CHN2: variants seen among roughly 807,000 people sequenced by gnomAD.
CHN2 encodes chimerin 2, also known as beta-chimaerin.
Under a neutral mutation model 56.3 loss-of-function variants are expected in CHN2, and 35 were observed. That is an observed-to-expected ratio of 0.62 (90% CI 0.47 to 0.82). The LOEUF is 0.82. CHN2 is among the 40% of genes least tolerant of loss of function. The probability of loss-of-function intolerance (pLI) is 0.00; values close to 1 mark genes in which losing one functional copy is unlikely to be tolerated. For synonymous variants in CHN2, 210 were observed against 212.8 expected, an observed-to-expected ratio of 0.99 and a Z score of 0.12; for missense variants, 491 against 580.5, an observed-to-expected ratio of 0.85 and a Z score of 1.58.
intron 1 of CHN2, among the ~76,000 whole-genome samples, chr7:29,203,165 G>T (rs962949162): frequency 1.3e-5 from 2 of 152,158 alleles, no homozygotes; most frequent in African/African-American, 4.8e-5. Context: ...ATATGTTTAG[G>T]TGATAATATT....
chr7:29,512,482 T>C, intron 12 of CHN2, 82 bp from the exon 13 acceptor site: 1 of 1,204,534 alleles, frequency 8.3e-7, no homozygotes, highest in Non-Finnish European at 1.2e-6. Context: ...AGAGATGTTA[T>C]CGGGACTTAC....
intron 1 of CHN2, among the ~76,000 whole-genome samples, chr7:29,197,470 G>A (rs569660544): frequency 5.3e-5 from 8 of 152,174 alleles, no homozygotes; most frequent in Non-Finnish European, 2.9e-5. Context: ...CTTGGGGATT[G>A]AATGAAATAA....
intron 1 of CHN2, among the ~76,000 whole-genome samples, chr7:29,250,197 T>C (rs190423831): frequency 1.3e-5 from 2 of 152,368 alleles, no homozygotes; most frequent in Admixed American, 1.3e-4. Context: ...ATTAGCCATT[T>C]GTAGCTTTTA....
intron 6 of CHN2, among the ~76,000 whole-genome samples, chr7:29,409,508 G>A (rs897086483): frequency 2.6e-5 from 4 of 152,104 alleles, no homozygotes; most frequent in Non-Finnish European, 5.9e-5. Flanking sequence ...CTTAAAAGAA[G>A]ACAGCTGGCT....
chr7:29,271,749 A>G (rs1790663789), intron 1 of CHN2, among the ~76,000 whole-genome samples: 2 of 152,174 alleles, frequency 1.3e-5, no homozygotes, highest in Admixed American at 6.5e-5. Context: ...GCCTTTTCTC[A>G]TCAAACATTC....
chr7:29,449,129 C>T (rs891878774), intron 6 of CHN2, among the ~76,000 whole-genome samples: 2 of 152,100 alleles, frequency 1.3e-5, no homozygotes, highest in African/African-American at 4.8e-5. Context: ...GCAAGTTAAA[C>T]TTAGCAGAAT....
intron 2 of CHN2, among the ~76,000 whole-genome samples, chr7:29,161,826 A>G (rs888411169): frequency 1.3e-5 from 2 of 152,262 alleles, no homozygotes; most frequent in Non-Finnish European, 2.9e-5. Flanking sequence ...TCTAAAGTCA[A>G]CAGTGAGAAA....
intron 1 of CHN2, among the ~76,000 whole-genome samples, chr7:29,229,406 G>T (rs1315527531): frequency 6.6e-6 from 1 of 151,362 alleles, no homozygotes; most frequent in Non-Finnish European, 1.5e-5. Context: ...TTGCTAAAAA[G>T]GAAAAAAAAA....
intron 1 of CHN2, among the ~76,000 whole-genome samples, chr7:29,264,846 TA>T (rs1789994613): frequency 7.2e-6 from 1 of 138,646 alleles, no homozygotes; most frequent in African/African-American, 2.8e-5. Context: ...ATTTAAAAAT[TA>T]AAAAAGTCAA....
intron 1 of CHN2, among the ~76,000 whole-genome samples, chr7:29,271,226 C>A (rs1292360682): frequency 2.0e-5 from 3 of 152,130 alleles, no homozygotes; most frequent in Non-Finnish European, 4.4e-5. Flanking sequence ...TGTGGTAGGT[C>A]CCTGCCTAAC....
chr7:29,377,803 CTTG>C (rs1308457076), intron 3 of CHN2, among the ~76,000 whole-genome samples: 1 of 152,210 alleles, frequency 6.6e-6, no homozygotes, highest in Admixed American at 6.5e-5. Context: ...ATGTCTCTGT[CTTG>C]TTGGACGGAA....
intron 5 of CHN2, among the ~76,000 whole-genome samples, chr7:29,399,918 C>T (rs142967078): frequency 0.036 from 5,488 of 152,116 alleles, 148 homozygotes; most frequent in South Asian, 0.11. Context: ...AAGGTCAGGG[C>T]CCAGAGAGGA....
chr7:29,473,482 T>TTTTTTTTTTTTG (rs539151442), intron 6 of CHN2, among the ~76,000 whole-genome samples: 15 of 118,190 alleles, frequency 1.3e-4, no homozygotes, highest in African/African-American at 4.3e-4. Context: ...TTTTTTTTTT[T>TTTTTTTTTTTTG]TGTGTGTGTG....
chr7:29,399,978 G>A (rs1562576776), intron 5 of CHN2, among the ~76,000 whole-genome samples: 1 of 152,112 alleles, frequency 6.6e-6, no homozygotes, highest in Non-Finnish European at 1.5e-5. Flanking sequence ...CTCCAGCAGG[G>A]AGTTTAGCAC....
chr7:29,467,808 C>G (rs1175031481), intron 6 of CHN2, among the ~76,000 whole-genome samples: 1 of 152,146 alleles, frequency 6.6e-6, no homozygotes, highest in Non-Finnish European at 1.5e-5. Flanking sequence ...ATACCAGTGG[C>G]ATAGGATGGT....
intron 2 of CHN2, among the ~76,000 whole-genome samples, chr7:29,158,567 A>G (rs1794747178): frequency 6.6e-6 from 1 of 152,140 alleles, no homozygotes; most frequent in South Asian, 2.1e-4. Flanking sequence ...AGAGGAAAAT[A>G]TTTCCTTCAA....
intron 1 of CHN2, among the ~76,000 whole-genome samples, chr7:29,237,465 G>A (rs1787287261): frequency 6.8e-6 from 1 of 147,936 alleles, no homozygotes; most frequent in South Asian, 2.1e-4. Flanking sequence ...GAAGATTTCA[G>A]TTTTATGTCT....
intron 2 of CHN2, among the ~76,000 whole-genome samples, chr7:29,173,067 G>A (rs188539005): frequency 6.8e-4 from 103 of 150,908 alleles, no homozygotes; most frequent in African/African-American, 2.3e-3. Flanking sequence ...GGAGGCAGAG[G>A]TTGCAGTGAG....
At chr7:29,389,675 A>G (rs1172911637) in intron 3 of CHN2, among the ~76,000 whole-genome samples, 7 of 152,210 alleles carry the variant, frequency 4.6e-5, no homozygotes, top group African/African-American at 9.6e-5. Context: ...CAGGGATATA[A>G]GTGGCATGTA....
Sources: allele counts gnomAD v4.1 joint callset (sites outside exome capture counted in the v4.1 genomes callset), GRCh38; gene constraint gnomAD v4.1.1; transcripts MANE v1.5; gene names NCBI Gene and HGNC (gene_info 2026-07-23, HGNC 2026-07-21).